The following AP1M1 variants were observed in gnomAD, a reference collection of about 807,000 sequenced individuals.
AP1M1 encodes adaptor related protein complex 1 subunit mu 1, also known as AP-1 complex subunit mu-1.
AP1M1 carries 18 observed loss-of-function variants against 57.1 expected under a neutral mutation model. The observed-to-expected ratio is 0.32, with a 90% CI of 0.22 to 0.47. AP1M1 has a LOEUF of 0.47. Among genes scored for constraint, AP1M1 ranks in the 20% least tolerant of loss-of-function variants. AP1M1 has a pLI of 1.00. For missense variants in AP1M1, 362 were observed against 593.5 expected (o/e 0.61, Z 4.05); for synonymous variants, 241 against 237.9 (o/e 1.01, Z -0.12).
chr19:16,200,989 C>G (rs1389480882), intron 1 of AP1M1, among the ~76,000 whole-genome samples: 3 of 152,316 alleles, frequency 2.0e-5, no homozygotes, highest in Admixed American at 2.0e-4. Flanking sequence ...CTCTGGAGAT[C>G]TAGTGGCCTC....
At position 16,228,537 on chromosome 19, in the gene AP1M1, G is replaced by T. The variant is rs567520029; in HGVS notation, c.889-233G>T. ...TCCTAGGAGGGCAGGGCAGAGGGAGGGATGAGGAGCCTTGGAAGCTGAGCA... is the reference window on the plus strand; with the variant it reads ...TCCTAGGAGGGCAGGGCAGAGGGAGTGATGAGGAGCCTTGGAAGCTGAGCA... On this transcript the variant is annotated intron_variant, in intron 8 of 11. Coordinates refer to ENST00000291439, the MANE Select transcript of AP1M1 (RefSeq NM_032493.4). This position sits in a 1 kb window ranked among gnomAD's most constrained non-coding sequence, Gnocchi z 5.0. Among the ~76,000 whole-genome samples the T allele has an allele frequency of 3.2e-4, 49 of 152,300 alleles. No individual in the cohort carries two copies. The East Asian group carries it at 8.1e-3, about 25-fold the overall frequency.
At chr19:16,222,213 T>TA (rs541940238) in intron 5 of AP1M1, among the ~76,000 whole-genome samples, 38 of 144,738 alleles carry the variant, frequency 2.6e-4, no homozygotes, top group African/African-American at 8.8e-4. Flanking sequence ...TTATTATTAT[T>TA]TTTTTTTTTT....
At chr19:16,201,705 C>T (rs1025551700) in intron 1 of AP1M1, among the ~76,000 whole-genome samples, 15 of 152,110 alleles carry the variant, frequency 9.9e-5, no homozygotes, top group African/African-American at 3.1e-4. Context: ...GCTGGGAGGA[C>T]TTCCTAGAGG....
At chr19:16,201,456 TG>T (rs2091446767) in intron 1 of AP1M1, among the ~76,000 whole-genome samples, 1 of 137,590 alleles carries the variant, frequency 7.3e-6, no homozygotes, top group Non-Finnish European at 1.5e-5. Context: ...TGGAGTGCAA[TG>T]GCACAATCTC....
In AP1M1 at chr19:16,227,311, G is replaced by A. The variant is rs1284667553; in HGVS notation, c.674-237G>A. Among the ~76,000 whole-genome samples, 2 of 98,808 alleles carry A rather than the reference G, an allele frequency of 2.0e-5. No individual in the cohort carries two copies. Among genetic ancestry groups the A allele is most frequent in the African/African-American group, 5.2e-5 (2 of 38,404 alleles). 64.8% of individuals were successfully genotyped at this position (98,808 alleles called of 152,430 possible). On this transcript the variant is annotated intron_variant, in intron 6 of 11. Transcript: ENST00000291439. This position sits in a 1 kb window ranked among gnomAD's most constrained non-coding sequence, Gnocchi z 6.2. ...CCCCTGGCTGGGCCCTGGGATGGCC[G>A]CTGGGGACTCAGCATGAACCAGACC...
In AP1M1 at chr19:16,228,674, G is replaced by A; in HGVS notation, c.889-96G>A. On this transcript the variant is annotated intron_variant, in intron 8 of 11. Coordinates refer to ENST00000291439, the MANE Select transcript of AP1M1 (RefSeq NM_032493.4). This position sits in a 1 kb window ranked among gnomAD's most constrained non-coding sequence, Gnocchi z 5.0. The stretch of plus-strand genomic sequence containing the variant: ...TGGGGCCAGGGGCGGGGCTAGGGAG[G>A]ATCCCCCGGGCCAGGCTGAGGGGCA... The A allele has an allele frequency of 7.0e-7, 1 of 1,435,682 alleles. No individual in the cohort carries two copies. The highest frequency in any genetic ancestry group is 1.2e-5 in the South Asian group (1 of 80,868). 88.9% of individuals were successfully genotyped at this position (1,435,682 alleles called of 1,614,324 possible). A position where few individuals can be genotyped will look rare whatever the true frequency, so the allele number is the denominator to read the frequency against.
chr19:16,216,539 G>A (rs543360859), intron 5 of AP1M1, among the ~76,000 whole-genome samples: 5 of 152,278 alleles, frequency 3.3e-5, no homozygotes, highest in Middle Eastern at 3.4e-3. Context: ...CCTTGTGCTC[G>A]TTCTTTCTCA....
At position 16,227,502 on chromosome 19, in the gene AP1M1, T is replaced by C; in HGVS notation, c.674-46T>C. 1 of 1,592,326 alleles carries C rather than the reference T, an allele frequency of 6.3e-7. No homozygotes were observed. Among genetic ancestry groups the C allele is most frequent in the Non-Finnish European group, 8.6e-7 (1 of 1,162,912 alleles). ...GGTGGTAGGAGTACTGCTGAGATAG[T>C]GACCCGGAGGGCCCAGATCTGTCCT... On this transcript the variant is annotated intron_variant, in intron 6 of 11. Transcript: ENST00000291439. The surrounding 1 kb of genome is among the most constrained non-coding windows in gnomAD (Gnocchi z 6.2).
intron 5 of AP1M1, among the ~76,000 whole-genome samples, chr19:16,210,749 G>A (rs979328172): frequency 4.6e-5 from 7 of 151,648 alleles, no homozygotes; most frequent in East Asian, 1.9e-4. Context: ...TACTAGAGAC[G>A]GGGTTTCACC....
chr19:16,222,076 C>T (rs1222338840), intron 5 of AP1M1, among the ~76,000 whole-genome samples: 1 of 152,106 alleles, frequency 6.6e-6, no homozygotes, highest in African/African-American at 2.4e-5. Flanking sequence ...CCTGAGGCTG[C>T]TTATTTTATT....
At chr19:16,222,199 A>ATTTTT (rs1568353073) in intron 5 of AP1M1, among the ~76,000 whole-genome samples, 2 of 130,182 alleles carry the variant, frequency 1.5e-5, no homozygotes, top group African/African-American at 5.8e-5. Context: ...TATTATTACT[A>ATTTTT]TTATTATTAT....
chr19:16,199,757 G>T (rs2091439709), intron 1 of AP1M1, among the ~76,000 whole-genome samples: 1 of 152,186 alleles, frequency 6.6e-6, no homozygotes, highest in South Asian at 2.1e-4. Flanking sequence ...GGGCTGGGTG[G>T]TGCGGTGGAA....
intron 5 of AP1M1, among the ~76,000 whole-genome samples, chr19:16,223,169 C>T (rs1281465605): frequency 6.6e-6 from 1 of 152,206 alleles, no homozygotes; most frequent in Non-Finnish European, 1.5e-5. Context: ...GTTCCAATCC[C>T]CAACCTGTAG....
chr19:16,234,711 G>T lies in AP1M1; in HGVS notation c.*276G>T, dbSNP rs2091617200. On this transcript the variant is annotated 3_prime_UTR_variant, in exon 12 of 12. Transcript: ENST00000291439. ...GGATGTGAAATTTTTCCGTGTAGAG[G>T]TTACAGCCTTTTATGCTGTTGAGCT... 1.8e-6 allele frequency: 1 copy of T among 566,318 alleles called. No homozygotes were observed. The highest frequency in any genetic ancestry group is 3.2e-6 in the Non-Finnish European group (1 of 316,326). The allele number at this position is 566,318 out of a possible 1,614,324, so 35.1% of individuals were successfully genotyped here. A position where few individuals can be genotyped will look rare whatever the true frequency, so the allele number is the denominator to read the frequency against.
intron 1 of AP1M1, among the ~76,000 whole-genome samples, chr19:16,202,644 G>A (rs924905615): frequency 5.3e-5 from 8 of 152,344 alleles, no homozygotes; most frequent in African/African-American, 1.7e-4. Flanking sequence ...ATTCTGATGC[G>A]CCTGTGTATC....
At chr19:16,224,621 C>T (rs1037876180) in intron 5 of AP1M1, among the ~76,000 whole-genome samples, 2 of 152,230 alleles carry the variant, frequency 1.3e-5, no homozygotes, top group South Asian at 2.1e-4. Flanking sequence ...CCCGCAGGGC[C>T]GAGATCAGCC....
At chr19:16,231,015 G>A (rs572773540) in intron 9 of AP1M1, among the ~76,000 whole-genome samples, 17 of 151,996 alleles carry the variant, frequency 1.1e-4, no homozygotes, top group Non-Finnish European at 1.5e-4. Context: ...AGGGCCAGGC[G>A]CTGTGGCTCA....
At chr19:16,215,054 C>G (rs1415990607) in intron 5 of AP1M1, among the ~76,000 whole-genome samples, 2 of 151,350 alleles carry the variant, frequency 1.3e-5, no homozygotes, top group Admixed American at 6.6e-5. Context: ...AAGTTGAAAA[C>G]GATCTCATTT....
chr19:16,233,749 C>T, intron 10 of AP1M1, 131 bp downstream of exon 10: 2 of 1,259,038 alleles, frequency 1.6e-6, no homozygotes, highest in East Asian at 5.1e-5. Flanking sequence ...TGGGCCTCTG[C>T]CTCCCCACAG....
Sources: allele counts gnomAD v4.1 joint callset (sites outside exome capture counted in the v4.1 genomes callset), GRCh38; gene constraint gnomAD v4.1.1; non-coding constraint Gnocchi (gnomAD v3.1); transcripts MANE v1.5; gene names NCBI Gene and HGNC (gene_info 2026-07-23, HGNC 2026-07-21).